The following UGT1A8 variants were observed in gnomAD, a reference collection of about 807,000 sequenced individuals.
UGT1A8 encodes the protein UDP-glucuronosyltransferase 1A8.
Under a neutral mutation model 45.3 loss-of-function variants are expected in UGT1A8, and 39 were observed. The ratio of observed to expected loss-of-function variants is 0.86; its 90% CI spans 0.67 to 1.12. UGT1A8 has a LOEUF of 1.12. Among genes scored for constraint, UGT1A8 ranks in the 50% most tolerant of loss-of-function variants. The pLI is 0.00. For missense variants in UGT1A8, 719 were observed against 664.9 expected (o/e 1.08, Z -0.90); for synonymous variants, 275 against 249.2 (o/e 1.10, Z -0.97).
At chr2:233,744,758 T>C (rs1487522872) in intron 1 of UGT1A8, among the ~76,000 whole-genome samples, 3 of 151,834 alleles carry the variant, frequency 2.0e-5, no homozygotes, top group Non-Finnish European at 4.4e-5. Flanking sequence ...ATGGAAATAG[T>C]TTTAACTTTG....
chr2:233,715,394 A>G (rs1337290732), intron 1 of UGT1A8, among the ~76,000 whole-genome samples: 1 of 152,240 alleles, frequency 6.6e-6, no homozygotes, highest in Non-Finnish European at 1.5e-5. Context: ...TTATCATTAA[A>G]TAATAATCCT....
chr2:233,694,000 G>A (rs763633601), intron 1 of UGT1A8: 38 of 1,484,348 alleles, frequency 2.6e-5, no homozygotes, highest in Middle Eastern at 2.5e-4. Context: ...TACCCGGCTC[G>A]GAGCAGCGGG....
At chr2:233,693,268 G>A in intron 1 of UGT1A8, 1 of 1,614,110 alleles carries the variant, frequency 6.2e-7, no homozygotes, top group Non-Finnish European at 8.5e-7. Flanking sequence ...AAGAGCTGAA[G>A]AACCGTTACC....
At position 233,618,524 on chromosome 2, in the gene UGT1A8, G is replaced by A. The variant is rs747567073; in HGVS notation, c.817G>A (p.Gly273Ser). The A allele has an allele frequency of 3.1e-6, 5 of 1,613,664 alleles. No homozygotes were observed. The highest frequency in any genetic ancestry group is 1.3e-5 in the African/African-American group (1 of 74,862). Reference sequence around the variant, plus strand: ...CGTGATGCCCAATATGATCTTCATTGGTGGTATCAACTGCCATCAGGGAAA... The same window carrying A: ...CGTGATGCCCAATATGATCTTCATTAGTGGTATCAACTGCCATCAGGGAAA... ...KPVMPNMIFI[G>S]GINCHQGKPL... is the part of the protein sequence containing the mutation. Residue 273 changes from glycine (G) to serine (S), a missense_variant, in exon 1 of 5, where the codon GGT becomes AGT. Gly to Ser is a moderately conservative substitution (Grantham distance 56). Transcript: ENST00000373450.
At chr2:233,636,975 T>C in intron 1 of UGT1A8, 1 of 1,614,194 alleles carries the variant, frequency 6.2e-7, no homozygotes, top group Non-Finnish European at 8.5e-7. Context: ...ATCCTTTTGA[T>C]ACCTGTGGCT....
chr2:233,725,132 C>T (rs1359096570), intron 1 of UGT1A8, among the ~76,000 whole-genome samples: 15 of 135,486 alleles, frequency 1.1e-4, no homozygotes, highest in African/African-American at 4.2e-4. Flanking sequence ...GCCGAGATGG[C>T]AGCAGTACAG....
intron 1 of UGT1A8, among the ~76,000 whole-genome samples, chr2:233,707,644 A>G (rs1415954935): frequency 1.3e-5 from 2 of 151,818 alleles, no homozygotes; most frequent in African/African-American, 4.8e-5. Context: ...CATTGTATGA[A>G]TACACCACAA....
chr2:233,619,188 C>G (rs1241310006), intron 1 of UGT1A8, among the ~76,000 whole-genome samples: 1 of 152,046 alleles, frequency 6.6e-6, no homozygotes, highest in Non-Finnish European at 1.5e-5. Flanking sequence ...TTATGCTGTG[C>G]TGGACATATT....
intron 1 of UGT1A8, among the ~76,000 whole-genome samples, chr2:233,653,987 T>A (rs1458805743): frequency 6.6e-6 from 1 of 152,258 alleles, no homozygotes; most frequent in Non-Finnish European, 1.5e-5. Context: ...ACATGCCTAA[T>A]GCTTACACAC....
chr2:233,622,962 G>A (rs1041773671), intron 1 of UGT1A8, among the ~76,000 whole-genome samples: 2 of 152,088 alleles, frequency 1.3e-5, no homozygotes, highest in African/African-American at 2.4e-5. Context: ...AGTTTTCCCA[G>A]CACCATTTAT....
chr2:233,670,987 T>TG (rs2074173614), intron 1 of UGT1A8, among the ~76,000 whole-genome samples: 1 of 152,094 alleles, frequency 6.6e-6, no homozygotes, highest in African/African-American at 2.4e-5. Context: ...GGCTTATGGA[T>TG]GGGGGCAGTC....
chr2:233,768,055 T>C, intron 3 of UGT1A8, 119 bp downstream of exon 3: 1 of 1,603,392 alleles, frequency 6.2e-7, no homozygotes, highest in Non-Finnish European at 8.5e-7. Context: ...ATATCCTACA[T>C]TGCTTTTTAT....
intron 1 of UGT1A8, among the ~76,000 whole-genome samples, chr2:233,738,487 G>C (rs2125816251): frequency 6.6e-6 from 1 of 152,316 alleles, no homozygotes; most frequent in African/African-American, 2.4e-5. Flanking sequence ...GAGACTTGTT[G>C]AACGGTTTTG....
intron 1 of UGT1A8, among the ~76,000 whole-genome samples, chr2:233,626,650 C>G (rs182689505): frequency 2.6e-5 from 4 of 152,162 alleles, no homozygotes; most frequent in Admixed American, 2.6e-4. Flanking sequence ...TGTAATCCTT[C>G]TGGACTTTCA....
At chr2:233,671,786 G>C in intron 1 of UGT1A8, 1 of 1,405,174 alleles carries the variant, frequency 7.1e-7, no homozygotes. Context: ...GTTCTTTTGG[G>C]TAAATCATTG....
intron 1 of UGT1A8, among the ~76,000 whole-genome samples, chr2:233,700,095 G>A (rs2075543573): frequency 6.6e-6 from 1 of 152,208 alleles, no homozygotes; most frequent in Non-Finnish European, 1.5e-5. Flanking sequence ...GCCTGGAGGT[G>A]TGGAGGGCAG....
chr2:233,677,042 A>G (rs774903728), intron 1 of UGT1A8, among the ~76,000 whole-genome samples: 3 of 151,982 alleles, frequency 2.0e-5, no homozygotes, highest in East Asian at 1.9e-4. Flanking sequence ...CTTTTGCATT[A>G]CCATATGCAT....
Position 233,719,322 on chromosome 2 carries a change from C to T in UGT1A8, c.856-47712C>T, listed in dbSNP as rs773289420. On this transcript the variant is annotated intron_variant, in intron 1 of 4. Transcript: ENST00000373450. ...GGTGCTGGCTAAGTACCTGTCGATT[C>T]CTGCTGTGTTTTTTTGGAGGTACAT... The T allele has an allele frequency of 3.1e-6, 5 of 1,613,788 alleles. No individual in the cohort carries two copies. In the African/African-American group the frequency reaches 6.7e-5, roughly 22 times the overall value.
chr2:233,673,331 T>A (rs1559335098), intron 1 of UGT1A8, among the ~76,000 whole-genome samples: 1 of 152,176 alleles, frequency 6.6e-6, no homozygotes, highest in African/African-American at 2.4e-5. Flanking sequence ...CTATTAATAA[T>A]TGCATAAAAT....
Sources: gnomAD v4.1 joint callset for allele counts (sites outside exome capture counted in the v4.1 genomes callset) on GRCh38, gnomAD v4.1.1 for gene constraint, MANE v1.5 for transcripts, NCBI Gene and HGNC (gene_info 2026-07-23, HGNC 2026-07-21) for gene names.